The following PDE4DIP variants were observed in gnomAD, a reference collection of about 807,000 sequenced individuals.
PDE4DIP encodes the protein myomegalin.
A neutral mutation model predicts 221.4 loss-of-function variants in PDE4DIP; 59 were observed. The observed-to-expected ratio is 0.27, with a 90% confidence interval of 0.22 to 0.33. PDE4DIP has a LOEUF of 0.33. Ranked by LOEUF, PDE4DIP falls within the 10% of genes least tolerant of loss-of-function variation. PDE4DIP has a pLI of 1.00. For missense variants in PDE4DIP, 1,036 were observed against 2,154.2 expected (o/e 0.48, Z 10.28); for synonymous variants, 404 against 815.9 (o/e 0.50, Z 8.60).
chr1:149,019,827 T>C lies in PDE4DIP; in HGVS notation c.5771-320T>C, dbSNP rs1223205864. Among the ~76,000 whole-genome samples, 9 of 152,264 alleles carry C rather than the reference T, an allele frequency of 5.9e-5. No individual in the cohort carries two copies. In the East Asian group the frequency reaches 1.7e-3, roughly 29 times the overall value. ...GAGATCCAAAAAGAAATCTTGACGT[T>C]GATCTTTGTCAAAATTCAAGAATGG... On this transcript the variant is annotated intron_variant, in intron 35 of 43. Transcript: ENST00000369354.
chr1:149,032,401 C>G, exon 44 of PDE4DIP: 1 of 465,488 alleles, frequency 2.1e-6, no homozygotes, highest in South Asian at 2.3e-5. Context: ...GGCACGTGGT[C>G]CCAATGCTGG....
chr1:148,948,257 G>A (rs111550857), intron 5 of PDE4DIP, among the ~76,000 whole-genome samples: 1,786 of 151,936 alleles, frequency 0.012, 37 homozygotes, highest in African/African-American at 0.041. Flanking sequence ...CCTTCACTAC[G>A]TTTTAGAAGT....
At chr1:149,010,686 G>A (rs2152562741) in intron 31 of PDE4DIP, 91 bp downstream of exon 34, 1 of 1,256,216 alleles carries the variant, frequency 8.0e-7, no homozygotes, top group Non-Finnish European at 1.1e-6. Context: ...TGGACTGTTA[G>A]GGGCCTAAAT....
intron 21 of PDE4DIP, among the ~76,000 whole-genome samples, chr1:148,988,027 G>A (rs2062220881): frequency 6.6e-6 from 1 of 152,168 alleles, no homozygotes; most frequent in Admixed American, 6.5e-5. Context: ...CTATTCCAAA[G>A]AGTTCAGCCA....
In PDE4DIP at chr1:148,981,363, C is replaced by G. The variant is rs782690575; in HGVS notation, c.2781C>G (p.Arg927=). The change falls in exon 21 of 44, where the codon CGC becomes CGG. Residue 927 remains arginine (R), a synonymous_variant. Transcript: ENST00000369354. ...AAGTTCTTGGAAGAAGCTTGGAGCG[C>G]TTAAACAGGCTGGAGACCCTGGCCG... The G allele has an allele frequency of 3.7e-6, 6 of 1,614,018 alleles. No homozygotes were observed. The East Asian group carries it at 1.1e-4, about 30-fold the overall frequency.
At chr1:148,968,748 T>C (rs2058644958) in intron 13 of PDE4DIP, 88 bp from the exon 17 acceptor site, 1 of 709,350 alleles carries the variant, frequency 1.4e-6, no homozygotes, top group Non-Finnish European at 2.4e-6. Flanking sequence ...CACACCTCCT[T>C]CTTCTATGAT....
At position 149,019,989 on chromosome 1, in the gene PDE4DIP, G is replaced by A. The variant is rs1464214927; in HGVS notation, c.5771-158G>A. ...AAGAGAGAGAGGCACCATGCTCCAGGCTCTGGGGGATGTTGAGCCAGCATG... is the reference window on the plus strand; with the variant it reads ...AAGAGAGAGAGGCACCATGCTCCAGACTCTGGGGGATGTTGAGCCAGCATG... On this transcript the variant is annotated intron_variant, in intron 35 of 43. Transcript: ENST00000369354. Among the ~76,000 whole-genome samples, 5 of 152,162 alleles carry A rather than the reference G, an allele frequency of 3.3e-5. No individual in the cohort carries two copies. The East Asian group carries it at 9.6e-4, about 29-fold the overall frequency.
chr1:148,815,409 C>T (rs3933674), intron 1 of PDE4DIP, among the ~76,000 whole-genome samples: 6 of 147,154 alleles, frequency 4.1e-5, no homozygotes, highest in East Asian at 2.0e-4. Context: ...GTTAGCTGGG[C>T]GTGGTGGCAT....
intron 37 of PDE4DIP, 95 bp from the exon 41 acceptor site, chr1:149,024,350 G>C (rs1261109286): frequency 1.2e-6 from 1 of 822,836 alleles, no homozygotes; most frequent in Non-Finnish European, 2.0e-6. Flanking sequence ...TCAGATGATA[G>C]TGGGGTCCTT....
chr1:148,948,297 C>A (rs2052295696), intron 5 of PDE4DIP, among the ~76,000 whole-genome samples: 1 of 152,040 alleles, frequency 6.6e-6, no homozygotes, highest in Admixed American at 6.5e-5. Context: ...ATTACAAAAG[C>A]CCTAAGTCTC....
At chr1:148,997,904 T>G (rs1287873455) in intron 22 of PDE4DIP, among the ~76,000 whole-genome samples, 2 of 152,280 alleles carry the variant, frequency 1.3e-5, no homozygotes, top group African/African-American at 4.8e-5. Context: ...TCCCTCACCA[T>G]CTCTGGATTC....
At chr1:148,919,295 G>A (rs1420414657) in intron 1 of PDE4DIP, among the ~76,000 whole-genome samples, 2 of 151,586 alleles carry the variant, frequency 1.3e-5, no homozygotes, top group Non-Finnish European at 2.9e-5. Flanking sequence ...AGGAGAGGCT[G>A]TAAATCAAGT....
chr1:149,020,930 C>T (rs2072598715), intron 36 of PDE4DIP, 99 bp from the exon 40 acceptor site: 2 of 691,892 alleles, frequency 2.9e-6, no homozygotes, highest in South Asian at 2.1e-5. Context: ...AACTGTAACC[C>T]TTTATGACCC....
intron 32 of PDE4DIP, among the ~76,000 whole-genome samples, chr1:149,015,857 C>G (rs1423550871): frequency 6.6e-6 from 1 of 152,140 alleles, no homozygotes. Context: ...GACATATTGA[C>G]TAGTTAGTTT....
chr1:149,023,812 A>G (rs6662429), intron 37 of PDE4DIP, among the ~76,000 whole-genome samples: 2 of 144,924 alleles, frequency 1.4e-5, no homozygotes, highest in Non-Finnish European at 3.0e-5. Context: ...GTGTGCACAT[A>G]TATATGTACA....
At chr1:148,983,882 A>G (rs1335747086) in intron 21 of PDE4DIP, 7 of 152,132 alleles carry the variant, frequency 4.6e-5, no homozygotes, top group Non-Finnish European at 8.8e-5. Context: ...AAAAAAATCC[A>G]TATGATAGAT....
intron 21 of PDE4DIP, chr1:148,983,915 T>A (rs1553546414): frequency 6.6e-6 from 1 of 152,086 alleles, no homozygotes; most frequent in African/African-American, 2.4e-5. Flanking sequence ...ATGCTTCCCT[T>A]TTGAATAATA....
intron 16 of PDE4DIP, among the ~76,000 whole-genome samples, chr1:148,973,234 C>T (rs587692487): frequency 3.3e-5 from 5 of 151,600 alleles, no homozygotes; most frequent in African/African-American, 4.8e-5. Flanking sequence ...TGCAGTGGCA[C>T]GATCTCTCTG....
Position 148,964,756 on chromosome 1 carries a change from G to A in PDE4DIP, c.1195-728G>A, listed in dbSNP as rs372535965. On this transcript the variant is annotated intron_variant, in intron 9 of 43. Coordinates refer to ENST00000369354, the Ensembl canonical transcript of PDE4DIP. ...CTAAAAATACAAAAATTAGCCCAGC[G>A]TGGTGGCAGGAGCCTTTAATCCCAG... 2.0e-3 allele frequency among the ~76,000 whole-genome samples: 301 copies of A among 152,104 alleles called. 5 individuals are homozygous for A. The highest frequency in any genetic ancestry group is 9.6e-3 in the East Asian group (49 of 5,128).
Sources: gnomAD v4.1 joint callset for allele counts (sites outside exome capture counted in the v4.1 genomes callset) on GRCh38, gnomAD v4.1.1 for gene constraint, MANE v1.5 for transcripts, NCBI Gene and HGNC (gene_info 2026-07-23, HGNC 2026-07-21) for gene names.